Variants in RBFOX1 observed in about 807,000 individuals in gnomAD.
RBFOX1 encodes RNA binding fox-1 homolog 1.
RBFOX1 carries 8 observed loss-of-function variants against 57.7 expected under a neutral mutation model. The observed-to-expected ratio is 0.14, with a 90% CI of 0.08 to 0.25. The LOEUF is 0.25. RBFOX1 is among the 10% of genes least tolerant of loss of function. RBFOX1 has a pLI of 1.00. For synonymous variants in RBFOX1, 326 were observed against 222.4 expected, an observed-to-expected ratio of 1.47 and a Z score of -4.15; for missense variants, 611 against 548.5, an observed-to-expected ratio of 1.11 and a Z score of -1.14.
chr16:7,372,599 A>C (rs2097588368), intron 4 of RBFOX1, among the ~76,000 whole-genome samples: 1 of 152,098 alleles, frequency 6.6e-6, no homozygotes, highest in Non-Finnish European at 1.5e-5. Flanking sequence ...GGAGTTTCAG[A>C]ATCAATTAGT....
intron 14 of RBFOX1, among the ~76,000 whole-genome samples, chr16:7,686,589 C>T (rs1210624805): frequency 6.6e-6 from 1 of 152,038 alleles, no homozygotes; most frequent in African/African-American, 2.4e-5. Context: ...AAGAAAAAGC[C>T]AATTTTTCTA....
At chr16:6,987,495 A>ACG (rs1555721592) in intron 3 of RBFOX1, among the ~76,000 whole-genome samples, 2 of 143,532 alleles carry the variant, frequency 1.4e-5, no homozygotes, top group African/African-American at 2.6e-5. Flanking sequence ...ACACACACAC[A>ACG]CACACACACA....
chr16:6,429,756 T>A (rs1179019211), intron 2 of RBFOX1, among the ~76,000 whole-genome samples: 1 of 152,186 alleles, frequency 6.6e-6, no homozygotes, highest in Non-Finnish European at 1.5e-5. Flanking sequence ...TGCTGCCATG[T>A]AAGATGTGTC....
intron 1 of RBFOX1, among the ~76,000 whole-genome samples, chr16:5,280,117 C>G (rs1197779799): frequency 6.7e-6 from 1 of 150,368 alleles, no homozygotes; most frequent in African/African-American, 2.4e-5. Context: ...CCTTGTATGC[C>G]TAATTTGTTG....
At chr16:7,125,041 G>C (rs2068141540) in intron 4 of RBFOX1, among the ~76,000 whole-genome samples, 1 of 152,136 alleles carries the variant, frequency 6.6e-6, no homozygotes, top group African/African-American at 2.4e-5. Flanking sequence ...CTTATTAAGA[G>C]CAACATTGAG....
At chr16:7,399,548 C>A (rs1429625240) in intron 4 of RBFOX1, among the ~76,000 whole-genome samples, 1 of 152,116 alleles carries the variant, frequency 6.6e-6, no homozygotes, top group Non-Finnish European at 1.5e-5. Context: ...AAATCCATAC[C>A]CTGGCTCTCT....
intron 4 of RBFOX1, among the ~76,000 whole-genome samples, chr16:5,977,312 C>A (rs1222237593): frequency 6.6e-6 from 1 of 152,154 alleles, no homozygotes; most frequent in African/African-American, 2.4e-5. Context: ...TGCTGGAGGC[C>A]TTCCTGGGCT....
At chr16:6,774,910 G>C (rs568501569) in intron 3 of RBFOX1, among the ~76,000 whole-genome samples, 1 of 152,042 alleles carries the variant, frequency 6.6e-6, no homozygotes, top group Non-Finnish European at 1.5e-5. Context: ...TAACCCCATT[G>C]AGTAGTGGCT....
chr16:6,885,698 A>G (rs182209815), intron 3 of RBFOX1, among the ~76,000 whole-genome samples: 1 of 151,822 alleles, frequency 6.6e-6, no homozygotes, highest in African/African-American at 2.4e-5. Flanking sequence ...CACTCAGCTA[A>G]TTTTTCTATC....
chr16:6,882,663 C>T (rs905765097), intron 3 of RBFOX1, among the ~76,000 whole-genome samples: 2 of 152,170 alleles, frequency 1.3e-5, no homozygotes, highest in South Asian at 2.1e-4. Flanking sequence ...TAGCACTTGG[C>T]AGGTACCCAT....
chr16:5,596,962 C>T lies in RBFOX1; in HGVS notation c.259-1940C>T, dbSNP rs575060593. On this transcript the variant is annotated intron_variant, in intron 2 of 2. Coordinates refer to the RBFOX1 transcript ENST00000585867. ...TGTTGAGGAAGGAGGGGAACAAACA[C>T]ATTTTTGATTTCTTGGTCACCAGAT... 2.6e-5 allele frequency among the ~76,000 whole-genome samples: 4 copies of T among 152,308 alleles called. No individual in the cohort carries two copies. The South Asian group carries it at 6.2e-4, about 24-fold the overall frequency.
At chr16:5,856,217 G>GTA (rs1491051275) in intron 3 of RBFOX1, among the ~76,000 whole-genome samples, 1 of 32,188 alleles carries the variant, frequency 3.1e-5, no homozygotes, top group African/African-American at 1.3e-4. Context: ...ACATATATAT[G>GTA]TATATATATA....
chr16:7,571,719 G>T (rs762334282), intron 5 of RBFOX1, among the ~76,000 whole-genome samples: 2 of 152,200 alleles, frequency 1.3e-5, no homozygotes, highest in African/African-American at 4.8e-5. Context: ...TCTGCCAAGT[G>T]CCGCCTGGAA....
chr16:5,418,162 A>G (rs2067211433), intron 1 of RBFOX1, among the ~76,000 whole-genome samples: 1 of 152,142 alleles, frequency 6.6e-6, no homozygotes, highest in Admixed American at 6.5e-5. Context: ...CTGCATTAAA[A>G]CCTTTTCTTA....
In RBFOX1 at chr16:7,586,852, G is replaced by A. The variant is rs143754744; in HGVS notation, c.415-395G>A. 5.6e-3 allele frequency among the ~76,000 whole-genome samples: 854 copies of A among 152,220 alleles called. 11 individuals are homozygous for A. Among genetic ancestry groups the A allele is most frequent in the African/African-American group, 0.02 (818 of 41,528 alleles). On this transcript the variant is annotated intron_variant, in intron 6 of 15. Transcript: ENST00000550418. The stretch of plus-strand genomic sequence containing the variant: ...ACCCCAGTCACATCACATTCTCACT[G>A]GACATTGATTATCAAAATCACATTT...
chr16:7,694,283 C>A (rs1256655173), intron 14 of RBFOX1, among the ~76,000 whole-genome samples: 1 of 152,174 alleles, frequency 6.6e-6, no homozygotes, highest in South Asian at 2.1e-4. Flanking sequence ...TTAAACTGAA[C>A]CTTACAAATA....
In RBFOX1 at chr16:5,585,203, TG is replaced by T. The variant is rs368857700; in HGVS notation, c.259-13698del. 1.6e-3 allele frequency among the ~76,000 whole-genome samples: 243 copies of T among 152,244 alleles called. No individual in the cohort carries two copies. In the Middle Eastern group the frequency reaches 0.02, roughly 13 times the overall value. ...CCCCCGTCCCTGGAAATCACTAATC[TG>T]TTTTCTGTCTCTACAGGATTGCGTT... On this transcript the variant is annotated intron_variant, in intron 2 of 2. Coordinates refer to the RBFOX1 transcript ENST00000585867.
At chr16:6,871,744 A>G (rs2060922595) in intron 3 of RBFOX1, among the ~76,000 whole-genome samples, 1 of 152,108 alleles carries the variant, frequency 6.6e-6, no homozygotes, top group South Asian at 2.1e-4. Context: ...CATGATCGCC[A>G]TCATTCTTGC....
At chr16:6,146,364 C>A (rs1231494845) in intron 1 of RBFOX1, among the ~76,000 whole-genome samples, 3 of 152,174 alleles carry the variant, frequency 2.0e-5, no homozygotes, top group Admixed American at 6.5e-5. Context: ...CCAGATTAGC[C>A]TCCAAAATTG....
Sources: allele counts gnomAD v4.1 joint callset (sites outside exome capture counted in the v4.1 genomes callset), GRCh38; gene constraint gnomAD v4.1.1; transcripts MANE v1.5; gene names NCBI Gene and HGNC (gene_info 2026-07-23, HGNC 2026-07-21).